The following KRAS variants were observed in gnomAD, a reference collection of about 807,000 sequenced individuals.
KRAS encodes the protein KRas proto-oncogene, GTPase, also known as GTPase KRas.
Under a neutral mutation model 21.0 loss-of-function variants are expected in KRAS, and 1 was observed. The observed-to-expected ratio is 0.05, with a 90% confidence interval of 0.02 to 0.23. KRAS has a LOEUF of 0.23. Among genes scored for constraint, KRAS ranks in the 10% least tolerant of loss-of-function variants. KRAS has a pLI of 1.00. For missense variants in KRAS, 107 were observed against 221.8 expected (o/e 0.48, Z 3.29); for synonymous variants, 67 against 72.5 (o/e 0.92, Z 0.39).
intron 1 of KRAS, among the ~76,000 whole-genome samples, chr12:25,245,695 G>A (rs542012719): frequency 6.6e-6 from 1 of 152,142 alleles, no homozygotes; most frequent in Non-Finnish European, 1.5e-5. Context: ...CCAGACTGCT[G>A]TTCTGCGGCG....
rs563831122 is a variant in KRAS, at chr12:25,220,128, AAC to A, written c.450+5484_450+5485del. 1.4e-3 allele frequency among the ~76,000 whole-genome samples: 212 copies of A among 152,352 alleles called. 1 individual carries two copies. Among genetic ancestry groups the A allele is most frequent in the African/African-American group, 4.9e-3 (203 of 41,574 alleles). On this transcript the variant is annotated intron_variant, in intron 4 of 4. Coordinates refer to ENST00000311936, the MANE Select transcript of KRAS (RefSeq NM_004985.5). ...CACTTTTGATTTTAGCAGACTGGAAAACACACAATTCTCATGGTGTCAATGTT... is the reference window on the plus strand; with the variant it reads ...CACTTTTGATTTTAGCAGACTGGAAAACACAATTCTCATGGTGTCAATGTT...
chr12:25,249,459 C>T (rs755196520), intron 1 of KRAS, among the ~76,000 whole-genome samples: 5 of 146,564 alleles, frequency 3.4e-5, no homozygotes, highest in Admixed American at 6.8e-5. Flanking sequence ...GGCATGGTGG[C>T]GTGCACCTAC....
At chr12:25,241,840 G>A (rs1951614048) in intron 2 of KRAS, among the ~76,000 whole-genome samples, 1 of 152,122 alleles carries the variant, frequency 6.6e-6, no homozygotes, top group Admixed American at 6.5e-5. Flanking sequence ...CCCCTGGAGG[G>A]CAGTCACCCA....
chr12:25,232,213 A>G (rs1951482862), intron 2 of KRAS, among the ~76,000 whole-genome samples: 1 of 152,248 alleles, frequency 6.6e-6, no homozygotes, highest in East Asian at 1.9e-4. Flanking sequence ...TAGAGTCTAA[A>G]TAAGGTTTCA....
intron 2 of KRAS, 35 bp downstream of exon 2, chr12:25,245,239 T>C (rs2135805595): frequency 6.4e-7 from 1 of 1,571,476 alleles, no homozygotes; most frequent in Non-Finnish European, 8.7e-7. Flanking sequence ...AGAATGGTCC[T>C]GCACCAGTAA....
At chr12:25,232,720 T>A (rs1468752953) in intron 2 of KRAS, among the ~76,000 whole-genome samples, 1 of 152,192 alleles carries the variant, frequency 6.6e-6, no homozygotes, top group Admixed American at 6.5e-5. Flanking sequence ...TGAAGGAAAG[T>A]TATTCCCCAT....
intron 4 of KRAS, among the ~76,000 whole-genome samples, chr12:25,220,658 C>T (rs1334162741): frequency 2.0e-5 from 3 of 149,820 alleles, no homozygotes; most frequent in East Asian, 2.0e-4. Context: ...ATCCGGGAAG[C>T]GGAGGTTGCA....
intron 1 of KRAS, among the ~76,000 whole-genome samples, chr12:25,248,606 AG>A (rs201878068): frequency 2.1e-4 from 27 of 126,156 alleles, no homozygotes; most frequent in Non-Finnish European, 2.7e-4. Flanking sequence ...GGTTGTTTCC[AG>A]AAAAAAAAAA....
Position 25,206,192 on chromosome 12 carries a change from A to G in KRAS, c.*3603T>C. ...CATGCCCCACAAAGTTTCTATGTAT[A>G]TATTAGGACAAAATTGTGCAATGGT... is the stretch of plus-strand genomic sequence containing the variant. On this transcript the variant is annotated 3_prime_UTR_variant, in exon 5 of 5. Transcript: ENST00000311936. The G allele has an allele frequency of 4.6e-6, 1 of 216,058 alleles. No homozygotes were observed. The allele number at this position is 216,058 out of a possible 1,614,324, so 13.4% of individuals were successfully genotyped here.
At chr12:25,244,624 A>C (rs867498952) in intron 2 of KRAS, among the ~76,000 whole-genome samples, 1 of 152,184 alleles carries the variant, frequency 6.6e-6, no homozygotes, top group Non-Finnish European at 1.5e-5. Context: ...ATTAAACTAA[A>C]AAAATCTGAA....
At position 25,209,158 on chromosome 12, in the gene KRAS, T is replaced by A. The variant is rs1250824746; in HGVS notation, c.*637A>T. On this transcript the variant is annotated 3_prime_UTR_variant, in exon 5 of 5. Coordinates refer to ENST00000311936, the MANE Select transcript of KRAS (RefSeq NM_004985.5). ...GAAATGGCCTTATAATAGTTTCCAT[T>A]GCCTTGTAATTTTTTTCCATTTTTT... 2 of 655,372 alleles carry A rather than the reference T, an allele frequency of 3.1e-6. No individual in the cohort carries two copies. Among genetic ancestry groups the A allele is most frequent in the Non-Finnish European group, 5.5e-6 (2 of 365,850 alleles). 40.6% of individuals were successfully genotyped at this position (655,372 alleles called of 1,614,324 possible). A position where few individuals can be genotyped will look rare whatever the true frequency, so the allele number is the denominator to read the frequency against.
intron 4 of KRAS, among the ~76,000 whole-genome samples, chr12:25,217,524 GTCTTA>G (rs61762436): frequency 0.36 from 55,330 of 151,662 alleles, 11,984 homozygotes; most frequent in East Asian, 0.79. Flanking sequence ...TCTAAGAGCA[GTCTTA>G]TCTTATTTTT....
rs2135806070 is a variant in KRAS at position 25,245,337 on chromosome 12, C to T, written c.48G>A (p.Lys16=). ...LVVVGAGGVG[K]SALTIQLIQN... ...GAATTAGCTGTATCGTCAAGGCACTCTTGCCTACGCCACCAGCTCCAACTA... is the reference window on the plus strand; with the variant it reads ...GAATTAGCTGTATCGTCAAGGCACTTTTGCCTACGCCACCAGCTCCAACTA... Residue 16 remains lysine, a synonymous_variant, in exon 2 of 5, where the codon AAG becomes AAA. Transcript: ENST00000311936. The T allele has an allele frequency of 1.2e-6, 2 of 1,613,042 alleles. No homozygotes were observed. The highest frequency in any genetic ancestry group is 1.7e-6 in the Non-Finnish European group (2 of 1,179,410).
rs749587181 is a variant in KRAS, at chr12:25,209,821, ACTT to A, written c.538_540del (p.Lys180del). The A allele has an allele frequency of 8.7e-6, 14 of 1,609,622 alleles. No individual in the cohort carries two copies. The highest frequency in any genetic ancestry group is 6.7e-5 in the East Asian group (3 of 44,716). On this transcript the variant is annotated inframe_deletion, in exon 5 of 5. Coordinates refer to ENST00000311936, the MANE Select transcript of KRAS (RefSeq NM_004985.5). ...TACATAATTACACACTTTGTCTTTG[ACTT>A]CTTTTTCTTCTTTTTACCATCTTTG...
Position 25,227,425 on chromosome 12 carries a change from A to C in KRAS, c.112-13T>G. ...TCCTGTAGGAATCCTGAGAAGGGAG[A>C]AACACAGTCTGGATTATTACAGTGC... On this transcript the variant is annotated splice_polypyrimidine_tract_variant and intron_variant, in intron 2 of 4. Transcript: ENST00000311936. 6.2e-7 allele frequency: 1 copy of C among 1,613,230 alleles called. No homozygotes were observed. The highest frequency in any genetic ancestry group is 2.2e-5 in the East Asian group (1 of 44,844).
At chr12:25,245,012 T>C (rs1245213558) in intron 2 of KRAS, among the ~76,000 whole-genome samples, 1 of 152,188 alleles carries the variant, frequency 6.6e-6, no homozygotes, top group Non-Finnish European at 1.5e-5. Flanking sequence ...TACAAATTTC[T>C]ACCCTCTCAC....
In KRAS at chr12:25,206,931, TAAAA is replaced by T. The variant is rs1200243908; in HGVS notation, c.*2860_*2863del. The stretch of plus-strand genomic sequence containing the variant: ...CTAAAAGAATCACAGTTATGCCAAA[TAAAA>T]AAACAATATAATCAAGTTTATTCCT... On this transcript the variant is annotated 3_prime_UTR_variant, in exon 5 of 5. Coordinates refer to ENST00000311936, the MANE Select transcript of KRAS (RefSeq NM_004985.5). 1 of 203,710 alleles carries T rather than the reference TAAAA, an allele frequency of 4.9e-6. No homozygotes were observed. The highest frequency in any genetic ancestry group is 2.3e-5 in the African/African-American group (1 of 43,708). The allele number at this position is 203,710 out of a possible 1,614,324, so 12.6% of individuals were successfully genotyped here.
chr12:25,220,187 T>C (rs758548922), intron 4 of KRAS, among the ~76,000 whole-genome samples: 1 of 152,150 alleles, frequency 6.6e-6, no homozygotes, highest in Non-Finnish European at 1.5e-5. Flanking sequence ...AACATGGCCA[T>C]GCACTGTCCA....
intron 4 of KRAS, chr12:25,215,115 A>T: frequency 2.3e-5 from 6 of 258,294 alleles, no homozygotes; most frequent in Non-Finnish European, 3.6e-5. Context: ...AAAAAAAAAA[A>T]GCTGCTGATT....
Sources: gnomAD v4.1 joint callset for allele counts (sites outside exome capture counted in the v4.1 genomes callset) on GRCh38, gnomAD v4.1.1 for gene constraint, MANE v1.5 for transcripts, NCBI Gene and HGNC (gene_info 2026-07-23, HGNC 2026-07-21) for gene names.